KCNQ5: variants seen among roughly 807,000 people sequenced by gnomAD.
KCNQ5 encodes potassium voltage-gated channel subfamily Q member 5, also known as potassium voltage-gated channel subfamily KQT member 5.
Under a neutral mutation model 98.2 loss-of-function variants are expected in KCNQ5, and 30 were observed. The observed-to-expected ratio is 0.31, with a 90% CI of 0.23 to 0.41. The LOEUF (loss-of-function observed/expected upper bound fraction) is 0.41, where lower values mean the gene tolerates loss of function less well. KCNQ5 is among the 10% of genes least tolerant of loss of function. The probability of loss-of-function intolerance (pLI) is 1.00; values close to 1 mark genes in which losing one functional copy is unlikely to be tolerated. For missense variants in KCNQ5, 835 were observed against 1,182.5 expected (o/e 0.71, Z 4.31); for synonymous variants, 458 against 449.4 (o/e 1.02, Z -0.24).
At chr6:73,189,703 A>T (rs943744690) in intron 11 of KCNQ5, among the ~76,000 whole-genome samples, 11 of 152,240 alleles carry the variant, frequency 7.2e-5, no homozygotes, top group African/African-American at 2.4e-4. Context: ...TTTCATCAGA[A>T]ATTGCATCAA....
chr6:73,007,345 T>C (rs1490695591), intron 2 of KCNQ5, among the ~76,000 whole-genome samples: 1 of 152,204 alleles, frequency 6.6e-6, no homozygotes, highest in African/African-American at 2.4e-5. Context: ...ATTTCACTCC[T>C]GTCCAATTTT....
intron 1 of KCNQ5, among the ~76,000 whole-genome samples, chr6:72,749,651 G>A (rs1376954446): frequency 6.6e-6 from 1 of 152,020 alleles, no homozygotes; most frequent in Non-Finnish European, 1.5e-5. Context: ...TCATAGGTAG[G>A]TGGATGGAAA....
chr6:73,187,945 T>C (rs912145737), intron 11 of KCNQ5, among the ~76,000 whole-genome samples: 2 of 150,120 alleles, frequency 1.3e-5, no homozygotes, highest in Non-Finnish European at 3.0e-5. Context: ...CAAGAAAAAA[T>C]GGCAGATCCC....
chr6:73,001,493 CA>C (rs1769567979), intron 1 of KCNQ5, among the ~76,000 whole-genome samples: 1 of 152,166 alleles, frequency 6.6e-6, no homozygotes, highest in South Asian at 2.1e-4. Context: ...GTGTTTCGAG[CA>C]CAGACATAGA....
At chr6:72,746,717 G>A (rs1420202353) in intron 1 of KCNQ5, among the ~76,000 whole-genome samples, 1 of 152,076 alleles carries the variant, frequency 6.6e-6, no homozygotes, top group Non-Finnish European at 1.5e-5. Flanking sequence ...TTGAGTACAG[G>A]AATAAGGAAA....
chr6:72,829,823 A>G (rs539880215), intron 1 of KCNQ5, among the ~76,000 whole-genome samples: 1 of 152,284 alleles, frequency 6.6e-6, no homozygotes, highest in South Asian at 2.1e-4. Context: ...TTTTTCTAAG[A>G]GAGTAGTGGG....
At chr6:73,042,298 C>T (rs551201065) in intron 3 of KCNQ5, 35 of 518,662 alleles carry the variant, frequency 6.7e-5, no homozygotes, top group South Asian at 1.2e-4. Flanking sequence ...CAAAGAGAGA[C>T]GGAGTTAGTT....
At chr6:72,742,465 TCCAGGA>T (rs1771180682) in intron 1 of KCNQ5, among the ~76,000 whole-genome samples, 2 of 152,198 alleles carry the variant, frequency 1.3e-5, no homozygotes, top group African/African-American at 4.8e-5. Context: ...TCAGCTGTCC[TCCAGGA>T]GATCAGTTTT....
At chr6:72,745,593 T>C (rs1451858044) in intron 1 of KCNQ5, among the ~76,000 whole-genome samples, 1 of 152,256 alleles carries the variant, frequency 6.6e-6, no homozygotes, top group Admixed American at 6.5e-5. Context: ...AGCAGCTTTT[T>C]GAGACAAGAA....
At chr6:72,832,772 C>A (rs989173628) in intron 1 of KCNQ5, among the ~76,000 whole-genome samples, 4 of 152,046 alleles carry the variant, frequency 2.6e-5, no homozygotes, top group Non-Finnish European at 5.9e-5. Flanking sequence ...TTTATAAAAC[C>A]AAGCAAACAC....
chr6:73,141,217 G>A (rs895452558), intron 10 of KCNQ5, among the ~76,000 whole-genome samples: 1 of 152,116 alleles, frequency 6.6e-6, no homozygotes, highest in Non-Finnish European at 1.5e-5. Context: ...GTTCCTCTTG[G>A]GTCTCTTTAT....
chr6:72,808,802 A>C (rs914293670), intron 1 of KCNQ5, among the ~76,000 whole-genome samples: 4 of 152,092 alleles, frequency 2.6e-5, no homozygotes, highest in Non-Finnish European at 5.9e-5. Context: ...CAAAAAAAAA[A>C]CTAGTTCAAC....
At chr6:72,699,616 C>A (rs1241635083) in intron 1 of KCNQ5, among the ~76,000 whole-genome samples, 1 of 152,096 alleles carries the variant, frequency 6.6e-6, no homozygotes. Flanking sequence ...AATTAAAGGA[C>A]AAATGATGGC....
intron 10 of KCNQ5, among the ~76,000 whole-genome samples, chr6:73,168,413 T>C (rs1472610154): frequency 6.6e-6 from 1 of 152,112 alleles, no homozygotes; most frequent in Non-Finnish European, 1.5e-5. Flanking sequence ...ATAAAAATGG[T>C]ATTTGGAGGC....
chr6:73,075,099 G>A (rs1022578554), intron 3 of KCNQ5, among the ~76,000 whole-genome samples: 7 of 152,152 alleles, frequency 4.6e-5, no homozygotes, highest in Middle Eastern at 3.4e-3. Context: ...AGACATAGTC[G>A]TTGTTATAAA....
At chr6:73,173,629 C>T (rs1473339051) in intron 11 of KCNQ5, among the ~76,000 whole-genome samples, 1 of 152,070 alleles carries the variant, frequency 6.6e-6, no homozygotes, top group South Asian at 2.1e-4. Context: ...CAAAGTTTTA[C>T]ACAAAAATTA....
At chr6:72,689,902 G>T (rs1768129751) in intron 1 of KCNQ5, among the ~76,000 whole-genome samples, 2 of 151,790 alleles carry the variant, frequency 1.3e-5, no homozygotes, top group African/African-American at 4.8e-5. Context: ...GAGTTATTTA[G>T]TTATTTAAGA....
At chr6:73,136,168 G>GA (rs1776462909) in intron 10 of KCNQ5, 1 of 152,118 alleles carries the variant, frequency 6.6e-6, no homozygotes, top group African/African-American at 2.4e-5. Context: ...CACTGCATTA[G>GA]AAATCATACA....
At chr6:73,070,231 C>T (rs2150384291) in intron 3 of KCNQ5, among the ~76,000 whole-genome samples, 1 of 152,098 alleles carries the variant, frequency 6.6e-6, no homozygotes, top group Non-Finnish European at 1.5e-5. Flanking sequence ...ACATTTGTGT[C>T]ACACGAATAT....
Sources: allele counts gnomAD v4.1 joint callset (sites outside exome capture counted in the v4.1 genomes callset), GRCh38; gene constraint gnomAD v4.1.1; transcripts MANE v1.5; gene names NCBI Gene and HGNC (gene_info 2026-07-23, HGNC 2026-07-21).